CSMD1: variants seen among roughly 807,000 people sequenced by gnomAD.
CSMD1 encodes CUB and sushi domain-containing protein 1.
CSMD1 carries 213 observed loss-of-function variants against 417.5 expected under a neutral mutation model. The observed-to-expected ratio is 0.51, with a 90% CI of 0.46 to 0.57. The LOEUF (loss-of-function observed/expected upper bound fraction) is 0.57. Among genes scored for constraint, CSMD1 ranks in the 20% least tolerant of loss-of-function variants. The pLI, the probability that CSMD1 is intolerant of heterozygous loss-of-function variation, is 0.00. For synonymous variants in CSMD1, 2,862 were observed against 1,736.8 expected, an observed-to-expected ratio of 1.65 and a Z score of -16.11; for missense variants, 6,923 against 4,529.7, an observed-to-expected ratio of 1.53 and a Z score of -15.17.
At chr8:4,094,400 T>A (rs1800890011) in intron 3 of CSMD1, among the ~76,000 whole-genome samples, 1 of 151,964 alleles carries the variant, frequency 6.6e-6, no homozygotes. Context: ...TTGAGAACTA[T>A]GTTGGCAAGG....
chr8:3,684,509 T>G (rs1470246426), intron 7 of CSMD1, among the ~76,000 whole-genome samples: 1 of 151,478 alleles, frequency 6.6e-6, no homozygotes, highest in Non-Finnish European at 1.5e-5. Context: ...AACATATATT[T>G]TATCTTTTTT....
At chr8:3,426,835 A>G (rs1393571005) in intron 12 of CSMD1, among the ~76,000 whole-genome samples, 1 of 152,196 alleles carries the variant, frequency 6.6e-6, no homozygotes, top group Non-Finnish European at 1.5e-5. Flanking sequence ...GTATTAGTCC[A>G]TATTTGTACT....
chr8:3,960,702 A>T (rs984548144), intron 5 of CSMD1, among the ~76,000 whole-genome samples: 2 of 151,896 alleles, frequency 1.3e-5, no homozygotes, highest in African/African-American at 4.8e-5. Flanking sequence ...ATTTAATAAG[A>T]TATATTTCTT....
chr8:4,329,204 C>A (rs6997132), intron 3 of CSMD1, among the ~76,000 whole-genome samples: 138,708 of 152,266 alleles, frequency 0.91, 64,394 homozygotes, highest in East Asian at 1. Flanking sequence ...GAGATGTTTC[C>A]AATACAAATT....
At chr8:3,962,513 A>G (rs941910496) in intron 5 of CSMD1, among the ~76,000 whole-genome samples, 1 of 152,154 alleles carries the variant, frequency 6.6e-6, no homozygotes, top group African/African-American at 2.4e-5. Context: ...GAACCCCTAT[A>G]TTAACGTAAT....
At chr8:4,615,641 T>C (rs1801433208) in intron 2 of CSMD1, among the ~76,000 whole-genome samples, 1 of 152,260 alleles carries the variant, frequency 6.6e-6, no homozygotes, top group Non-Finnish European at 1.5e-5. Flanking sequence ...ATAATAAATA[T>C]ATTTTTTTGT....
intron 5 of CSMD1, among the ~76,000 whole-genome samples, chr8:3,850,860 CAAG>C (rs1803857220): frequency 1.3e-5 from 2 of 152,052 alleles, no homozygotes; most frequent in African/African-American, 4.8e-5. Flanking sequence ...TCTACAGACT[CAAG>C]AAAGAATTTA....
chr8:4,206,053 T>A (rs555908199), intron 3 of CSMD1, among the ~76,000 whole-genome samples: 21 of 152,278 alleles, frequency 1.4e-4, no homozygotes, highest in African/African-American at 5.1e-4. Context: ...AAATCTTCCC[T>A]GGATCCATTC....
chr8:4,711,972 A>C (rs1808329864), intron 1 of CSMD1, among the ~76,000 whole-genome samples: 1 of 152,172 alleles, frequency 6.6e-6, no homozygotes, highest in South Asian at 2.1e-4. Flanking sequence ...ACAGTTTTAA[A>C]CTCAAGTCAG....
At chr8:4,730,648 G>C (rs1335748772) in intron 1 of CSMD1, among the ~76,000 whole-genome samples, 4 of 152,100 alleles carry the variant, frequency 2.6e-5, no homozygotes, top group African/African-American at 9.7e-5. Context: ...GGCTGAGACA[G>C]GAGAATGGTG....
chr8:3,003,332 T>G (rs768044184), intron 52 of CSMD1, among the ~76,000 whole-genome samples: 10 of 151,704 alleles, frequency 6.6e-5, no homozygotes, highest in Non-Finnish European at 1.5e-4. Context: ...GAGTTACCTT[T>G]TCTTTTAATA....
chr8:4,077,161 C>T (rs1325826724), intron 3 of CSMD1, among the ~76,000 whole-genome samples: 3 of 151,456 alleles, frequency 2.0e-5, no homozygotes, highest in African/African-American at 7.3e-5. Flanking sequence ...CATCCAACTG[C>T]ACCCAATGGG....
chr8:3,195,170 A>G, intron 33 of CSMD1, among the ~76,000 whole-genome samples: 1 of 152,178 alleles, frequency 6.6e-6, no homozygotes, highest in Non-Finnish European at 1.5e-5. Flanking sequence ...AGACAATTGA[A>G]AAAAGTAGCA....
At chr8:4,258,303 G>C (rs1042154477) in intron 3 of CSMD1, among the ~76,000 whole-genome samples, 1 of 114,672 alleles carries the variant, frequency 8.7e-6, no homozygotes, top group African/African-American at 3.6e-5. Context: ...AAGGGAGAAA[G>C]AGAGTGAGGG....
At chr8:3,759,278 T>G (rs1797853761) in intron 5 of CSMD1, among the ~76,000 whole-genome samples, 1 of 152,162 alleles carries the variant, frequency 6.6e-6, no homozygotes, top group Non-Finnish European at 1.5e-5. Flanking sequence ...AAATACGGCC[T>G]GTTAATCAGA....
At chr8:3,926,826 C>A (rs1023105731) in intron 5 of CSMD1, among the ~76,000 whole-genome samples, 1 of 150,662 alleles carries the variant, frequency 6.6e-6, no homozygotes, top group Non-Finnish European at 1.5e-5. Flanking sequence ...AGCAATTCCC[C>A]TGCCTCAGAC....
At chr8:3,457,827 T>C (rs978333560) in intron 12 of CSMD1, among the ~76,000 whole-genome samples, 14 of 152,160 alleles carry the variant, frequency 9.2e-5, no homozygotes, top group African/African-American at 3.1e-4. Context: ...TTGTATCCGA[T>C]GCAGGGATCC....
At chr8:4,066,845 A>G (rs1799276854) in intron 3 of CSMD1, among the ~76,000 whole-genome samples, 1 of 152,228 alleles carries the variant, frequency 6.6e-6, no homozygotes, top group African/African-American at 2.4e-5. Flanking sequence ...AAACACACAC[A>G]GTAGCCTTGA....
chr8:4,076,589 T>C (rs1450452818), intron 3 of CSMD1, among the ~76,000 whole-genome samples: 2 of 152,216 alleles, frequency 1.3e-5, no homozygotes, highest in African/African-American at 2.4e-5. Flanking sequence ...TAAGGATTCA[T>C]GTCCTAAACT....
Sources: allele counts gnomAD v4.1 joint callset (sites outside exome capture counted in the v4.1 genomes callset), GRCh38; gene constraint gnomAD v4.1.1; transcripts MANE v1.5; gene names NCBI Gene and HGNC (gene_info 2026-07-23, HGNC 2026-07-21).